Variants in PATJ observed in about 807,000 individuals in gnomAD.
PATJ encodes the protein PATJ crumbs cell polarity complex component.
PATJ carries 190 observed loss-of-function variants against 224.9 expected under a neutral mutation model. The observed-to-expected ratio is 0.84, with a 90% CI of 0.75 to 0.95. The LOEUF (loss-of-function observed/expected upper bound fraction) is 0.95. Among genes scored for constraint, PATJ ranks in the 40% least tolerant of loss-of-function variants. PATJ has a pLI of 0.00. For synonymous variants in PATJ, 769 were observed against 820.3 expected (o/e 0.94, Z 1.07); for missense variants, 2,121 against 2,270.3 (o/e 0.93, Z 1.34).
intron 3 of PATJ, among the ~76,000 whole-genome samples, chr1:61,764,798 T>C (rs1646165817): frequency 1.3e-5 from 2 of 152,196 alleles, no homozygotes; most frequent in African/African-American, 4.8e-5. Context: ...GCACTGCCTA[T>C]ATTGATGTTT....
intron 7 of PATJ, among the ~76,000 whole-genome samples, chr1:61,781,702 A>G (rs1647367161): frequency 3.3e-5 from 5 of 152,330 alleles, no homozygotes; most frequent in South Asian, 4.1e-4. Flanking sequence ...GCTTAATTCT[A>G]TGTTTCTAAA....
chr1:62,123,032 GA>G lies in PATJ; in HGVS notation c.5019del (p.Glu1673AspfsTer7), dbSNP rs765615952. ...PSQKNSGTDMEPRTVEINREL... is the reference protein window; with the variant it reads ...PSQKNSGTDMXPRTVEINREL... ...TTGCTTCTTTATAGGCACAGATATGGAACCAAGGACTGTTGAGATAAACAGG... is the reference window on the plus strand; with the variant it reads ...TTGCTTCTTTATAGGCACAGATATGGACCAAGGACTGTTGAGATAAACAGG... On this transcript the variant is annotated frameshift_variant, in exon 39 of 44. Transcript: ENST00000642238. LOFTEE classifies it high-confidence loss of function. The G allele has an allele frequency of 6.3e-7, 1 of 1,593,324 alleles. No individual in the cohort carries two copies. The highest frequency in any genetic ancestry group is 1.3e-5 in the African/African-American group (1 of 74,356).
chr1:61,783,423 CTTT>C (rs79615768), intron 7 of PATJ, among the ~76,000 whole-genome samples: 1 of 119,232 alleles, frequency 8.4e-6, no homozygotes. Context: ...CTTTTCTTTT[CTTT>C]TTTTTTTTTT....
intron 17 of PATJ, among the ~76,000 whole-genome samples, chr1:61,845,212 C>T (rs990564386): frequency 3.9e-5 from 6 of 152,148 alleles, no homozygotes; most frequent in Non-Finnish European, 8.8e-5. Context: ...AACCTCCAGG[C>T]TGTAGGTCCT....
chr1:61,909,632 C>G (rs964422239), intron 25 of PATJ, among the ~76,000 whole-genome samples: 1 of 152,066 alleles, frequency 6.6e-6, no homozygotes, highest in African/African-American at 2.4e-5. Flanking sequence ...GCCACTACAC[C>G]TGGTGAATTT....
chr1:61,943,861 G>A (rs776056134), intron 27 of PATJ, among the ~76,000 whole-genome samples: 4 of 152,078 alleles, frequency 2.6e-5, no homozygotes, highest in African/African-American at 4.8e-5. Context: ...CACCTCATAC[G>A]GCTGGGTGCC....
chr1:61,962,039 T>C (rs2482886), intron 27 of PATJ, among the ~76,000 whole-genome samples: 130,419 of 151,476 alleles, frequency 0.86, 56,194 homozygotes, highest in Admixed American at 0.9. Flanking sequence ...GCCCTATGTG[T>C]TGACACTCAA....
Position 61,889,193 on chromosome 1 carries a change from G to A in PATJ, c.3131+4785G>A, listed in dbSNP as rs532048484. ...CTTCCTTGCATTAATTTTTGTGTAC[G>A]ACCCAGCAGAGTTGTGTGTCTACGT... is the stretch of plus-strand genomic sequence containing the variant. On this transcript the variant is annotated intron_variant, in intron 22 of 43. Coordinates refer to ENST00000642238, the MANE Select transcript of PATJ (RefSeq NM_001350145.3). Among the ~76,000 whole-genome samples the A allele has an allele frequency of 3.9e-5, 6 of 152,250 alleles. No homozygotes were observed. The South Asian group carries it at 6.2e-4, about 16-fold the overall frequency.
intron 20 of PATJ, among the ~76,000 whole-genome samples, chr1:61,873,478 T>C (rs1439426833): frequency 6.6e-6 from 1 of 152,240 alleles, no homozygotes; most frequent in African/African-American, 2.4e-5. Context: ...AATAAAATTT[T>C]TTAAAATATA....
chr1:61,821,105 A>G (rs1411236183), intron 14 of PATJ, among the ~76,000 whole-genome samples: 2 of 151,502 alleles, frequency 1.3e-5, no homozygotes, highest in African/African-American at 4.9e-5. Context: ...CAGTGGTGCA[A>G]CCTCAGCTCA....
intron 35 of PATJ, chr1:62,114,925 GAAAA>G (rs952916118): frequency 2.7e-5 from 4 of 150,080 alleles, no homozygotes; most frequent in African/African-American, 9.8e-5. Flanking sequence ...AAAAAAAAAA[GAAAA>G]GGAAAAAAGA....
chr1:61,760,619 C>CTTTTTCT (rs1645910562), intron 1 of PATJ, among the ~76,000 whole-genome samples: 1 of 135,486 alleles, frequency 7.4e-6, no homozygotes, highest in African/African-American at 2.7e-5. Context: ...TTTTCTTTTT[C>CTTTTTCT]TTTTTTTTTT....
Position 61,849,942 on chromosome 1 carries a change from A to G in PATJ, c.2113-6088A>G, listed in dbSNP as rs1057256426. Among the ~76,000 whole-genome samples, 23 of 152,316 alleles carry G rather than the reference A, an allele frequency of 1.5e-4. 1 individual carries two copies. The highest frequency in any genetic ancestry group is 8.5e-4 in the Admixed American group (13 of 15,298). ...GTTAAATATTAGAACAATTCTTGGT[A>G]TATATCTCCTGTTCTTATTTCCTAA... is the stretch of plus-strand genomic sequence containing the variant. On this transcript the variant is annotated intron_variant, in intron 17 of 43. Transcript: ENST00000642238.
intron 22 of PATJ, among the ~76,000 whole-genome samples, chr1:61,893,461 T>C (rs952912589): frequency 6.7e-6 from 1 of 148,984 alleles, no homozygotes; most frequent in African/African-American, 2.5e-5. Flanking sequence ...TTGTTGAAGG[T>C]TGCTTTCCCT....
At chr1:61,764,819 A>G (rs781030705) in intron 3 of PATJ, among the ~76,000 whole-genome samples, 6 of 152,088 alleles carry the variant, frequency 3.9e-5, no homozygotes, top group Non-Finnish European at 5.9e-5. Flanking sequence ...AGCTTTCTGT[A>G]TTTCTCTTGG....
At chr1:62,154,303 CTTCT>C (rs1308656073) in intron 43 of PATJ, among the ~76,000 whole-genome samples, 1 of 150,860 alleles carries the variant, frequency 6.6e-6, no homozygotes, top group Non-Finnish European at 1.5e-5. Context: ...GTTTTTTTTT[CTTCT>C]TTGGTTTTAT....
At chr1:61,748,267 T>C (rs931884845) in intron 1 of PATJ, among the ~76,000 whole-genome samples, 1 of 141,970 alleles carries the variant, frequency 7.0e-6, no homozygotes, top group Non-Finnish European at 1.5e-5. Flanking sequence ...TTTTTTTTTT[T>C]TTTTTTGAGA....
intron 22 of PATJ, among the ~76,000 whole-genome samples, chr1:61,893,485 G>GTT (rs66571879): frequency 4.3e-5 from 6 of 139,246 alleles, no homozygotes; most frequent in African/African-American, 1.6e-4. Context: ...ATTTTAGGGT[G>GTT]TTTTTTTTTT....
At chr1:62,141,458 T>G (rs1429615457) in intron 41 of PATJ, among the ~76,000 whole-genome samples, 1 of 152,106 alleles carries the variant, frequency 6.6e-6, no homozygotes, top group Non-Finnish European at 1.5e-5. Flanking sequence ...CCAGATCACT[T>G]GAGGCCAGGA....
Sources: allele counts gnomAD v4.1 joint callset (sites outside exome capture counted in the v4.1 genomes callset), GRCh38; gene constraint gnomAD v4.1.1; transcripts MANE v1.5; gene names NCBI Gene and HGNC (gene_info 2026-07-23, HGNC 2026-07-21).